Variants in TENM2 observed in about 807,000 individuals in gnomAD.
TENM2 encodes the protein teneurin-2.
A neutral mutation model predicts 245.2 loss-of-function variants in TENM2; 52 were observed. The observed-to-expected ratio is 0.21, with a 90% confidence interval of 0.17 to 0.27. TENM2 has a LOEUF of 0.27. Among genes scored for constraint, TENM2 ranks in the 10% least tolerant of loss-of-function variants. TENM2 has a pLI of 1.00. For synonymous variants in TENM2, 1,363 were observed against 1,438.9 expected (o/e 0.95, Z 1.19); for missense variants, 3,046 against 3,666.8 (o/e 0.83, Z 4.37).
At chr5:167,856,059 C>T (rs1447600476) in intron 2 of TENM2, among the ~76,000 whole-genome samples, 1 of 152,184 alleles carries the variant, frequency 6.6e-6, no homozygotes, top group African/African-American at 2.4e-5. Flanking sequence ...TTATCTTCCA[C>T]ACAGTCACTT....
At chr5:167,881,432 A>C (rs1229819131) in intron 3 of TENM2, among the ~76,000 whole-genome samples, 4 of 152,170 alleles carry the variant, frequency 2.6e-5, no homozygotes, top group Non-Finnish European at 4.4e-5. Flanking sequence ...CCTCCACTGC[A>C]GTTTCTCTGG....
At chr5:167,010,504 G>A in the TENM2 span, among the ~76,000 whole-genome samples, 47,196 of 152,140 alleles carry the variant, frequency 0.31, 8,753 homozygotes, top group Non-Finnish European at 0.43. Context: ...AAGGATGGCA[G>A]TGCTAGGTGA....
At chr5:167,106,839 A>G in the TENM2 span, among the ~76,000 whole-genome samples, 2 of 152,202 alleles carry the variant, frequency 1.3e-5, no homozygotes, top group Non-Finnish European at 2.9e-5. Flanking sequence ...CTGATTATCT[A>G]TAGTGGACAA....
At chr5:168,030,300 C>G (rs1290856365) in intron 5 of TENM2, among the ~76,000 whole-genome samples, 3 of 150,858 alleles carry the variant, frequency 2.0e-5, no homozygotes, top group Non-Finnish European at 4.4e-5. Context: ...AGGGAGATGT[C>G]TGGGCTCTCT....
rs1355624933 is a variant in TENM2 at position 168,227,203 on chromosome 5, G to C, written c.5285-692G>C. Among the ~76,000 whole-genome samples, 5 of 152,236 alleles carry C rather than the reference G, an allele frequency of 3.3e-5. No homozygotes were observed. The East Asian group carries it at 5.8e-4, about 18-fold the overall frequency. ...TCACATTTCCTTCCCGTAACTTTTCGGTAAAGGAAAAGGTCAGACGTCTGA... is the reference window on the plus strand; with the variant it reads ...TCACATTTCCTTCCCGTAACTTTTCCGTAAAGGAAAAGGTCAGACGTCTGA... On this transcript the variant is annotated intron_variant, in intron 24 of 28. Coordinates refer to ENST00000518659, the Ensembl canonical transcript of TENM2.
At chr5:167,120,972 A>C in the TENM2 span, among the ~76,000 whole-genome samples, 6 of 152,134 alleles carry the variant, frequency 3.9e-5, no homozygotes, top group African/African-American at 1.4e-4. Flanking sequence ...CACTCATGGC[A>C]TTAATGAGCT....
At chr5:168,226,904 T>TTGTC (rs1382369108) in intron 24 of TENM2, among the ~76,000 whole-genome samples, 2 of 152,076 alleles carry the variant, frequency 1.3e-5, no homozygotes, top group Non-Finnish European at 2.9e-5. Flanking sequence ...GGCTAGCCCG[T>TTGTC]TGTCAGAGGA....
intron 12 of TENM2, among the ~76,000 whole-genome samples, chr5:168,136,515 G>C (rs780149304): frequency 6.6e-6 from 1 of 152,178 alleles, no homozygotes; most frequent in African/African-American, 2.4e-5. Flanking sequence ...TGGTGCTCAC[G>C]CTACTGAAGT....
chr5:167,977,363 C>A (rs912928918), intron 4 of TENM2, among the ~76,000 whole-genome samples: 1 of 152,162 alleles, frequency 6.6e-6, no homozygotes, highest in East Asian at 1.9e-4. Flanking sequence ...ATGTCTATCA[C>A]ATATTAAAAT....
At chr5:168,121,457 G>A (rs764502273) in intron 10 of TENM2, among the ~76,000 whole-genome samples, 1 of 152,194 alleles carries the variant, frequency 6.6e-6, no homozygotes, top group East Asian at 1.9e-4. Context: ...ATCCACTGCT[G>A]TAATTATATA....
At chr5:167,913,921 G>A (rs1776733067) in intron 3 of TENM2, among the ~76,000 whole-genome samples, 1 of 152,246 alleles carries the variant, frequency 6.6e-6, no homozygotes, top group Non-Finnish European at 1.5e-5. Context: ...GCGAGGATTA[G>A]AAGAGACCAT....
At chr5:167,855,086 C>T (rs73803244) in intron 2 of TENM2, among the ~76,000 whole-genome samples, 24 of 152,324 alleles carry the variant, frequency 1.6e-4, no homozygotes, top group African/African-American at 5.3e-4. Context: ...AAAGACCTTG[C>T]AGTGGCTTCT....
the TENM2 span, among the ~76,000 whole-genome samples, chr5:167,038,193 C>G: frequency 6.6e-6 from 1 of 152,198 alleles, no homozygotes; most frequent in Non-Finnish European, 1.5e-5. Flanking sequence ...AGGAGAAAAT[C>G]TTTGAACAGT....
At chr5:167,225,030 A>G in the TENM2 span, among the ~76,000 whole-genome samples, 3 of 151,872 alleles carry the variant, frequency 2.0e-5, no homozygotes, top group Non-Finnish European at 4.4e-5. Context: ...TAGAAATGCT[A>G]TTGATTTTTG....
At chr5:168,139,038 G>T (rs937905516) in intron 12 of TENM2, among the ~76,000 whole-genome samples, 1 of 152,184 alleles carries the variant, frequency 6.6e-6, no homozygotes, top group African/African-American at 2.4e-5. Context: ...ATAATGTTTG[G>T]TTAATTTTTC....
At chr5:167,955,950 A>G (rs1050678211) in intron 4 of TENM2, among the ~76,000 whole-genome samples, 2 of 151,832 alleles carry the variant, frequency 1.3e-5, no homozygotes, top group African/African-American at 2.4e-5. Flanking sequence ...ACTTGGCCGT[A>G]TGGGCTCTTT....
the TENM2 span, among the ~76,000 whole-genome samples, chr5:167,034,624 C>T: frequency 5.1e-5 from 5 of 97,308 alleles, no homozygotes; most frequent in Non-Finnish European, 7.9e-5. Context: ...AGCGAGACTC[C>T]GTCTCAAAAA....
the TENM2 span, among the ~76,000 whole-genome samples, chr5:167,197,566 C>A: frequency 4.6e-5 from 7 of 151,984 alleles, no homozygotes; most frequent in Non-Finnish European, 1.0e-4. Flanking sequence ...TTGTAAACTG[C>A]ATTTGCCCTG....
chr5:167,089,101 G>A, the TENM2 span, among the ~76,000 whole-genome samples: 1,027 of 152,244 alleles, frequency 6.7e-3, 9 homozygotes, highest in African/African-American at 0.023. Flanking sequence ...AAAATTTCTT[G>A]TAAACTTTTT....
Sources: allele counts gnomAD v4.1 joint callset (sites outside exome capture counted in the v4.1 genomes callset), GRCh38; gene constraint gnomAD v4.1.1; transcripts MANE v1.5; gene names NCBI Gene and HGNC (gene_info 2026-07-23, HGNC 2026-07-21).